Variants in USP30 observed in about 807,000 individuals in gnomAD.
USP30 encodes the protein ubiquitin carboxyl-terminal hydrolase 30.
USP30 carries 41 observed loss-of-function variants against 68.2 expected under a neutral mutation model. The observed-to-expected ratio is 0.60, with a 90% CI of 0.47 to 0.78. USP30 has a LOEUF of 0.78. USP30 is among the 30% of genes least tolerant of loss of function. The pLI is 0.00. For synonymous variants in USP30, 229 were observed against 253.7 expected (o/e 0.90, Z 0.93); for missense variants, 522 against 649.4 (o/e 0.80, Z 2.13).
chr12:109,035,412 G>A (rs1030447093), intron 3 of USP30, among the ~76,000 whole-genome samples: 2 of 151,990 alleles, frequency 1.3e-5, no homozygotes, highest in Non-Finnish European at 2.9e-5. Context: ...TTGCCAGGCT[G>A]GAGTGCAGTG....
At chr12:109,048,838 A>C (rs1245795571), upstream of USP30, among the ~76,000 whole-genome samples, 1 of 152,342 alleles carries the variant, frequency 6.6e-6, no homozygotes, top group Admixed American at 6.5e-5. Flanking sequence ...CTTGCTTGGC[A>C]TGACCTTAGA....
intron 3 of USP30, among the ~76,000 whole-genome samples, chr12:109,041,405 G>A (rs1253112102): frequency 2.0e-5 from 3 of 152,146 alleles, no homozygotes; most frequent in African/African-American, 4.8e-5. Flanking sequence ...GGGAGGCTGA[G>A]GCAGGTGGAT....
chr12:109,034,723 A>C (rs981771173), intron 3 of USP30, among the ~76,000 whole-genome samples: 1 of 152,218 alleles, frequency 6.6e-6, no homozygotes, highest in African/African-American at 2.4e-5. Context: ...AGGATATAGA[A>C]GTCTCCAACC....
At chr12:109,047,146 G>C (rs1025908649) in intron 3 of USP30, among the ~76,000 whole-genome samples, 1 of 149,846 alleles carries the variant, frequency 6.7e-6, no homozygotes, top group Non-Finnish European at 1.5e-5. Flanking sequence ...AACGGGTTTA[G>C]TGTGAACAAC....
chr12:109,071,009 G>A (rs1460541716), intron 4 of USP30, among the ~76,000 whole-genome samples: 1 of 152,184 alleles, frequency 6.6e-6, no homozygotes, highest in Non-Finnish European at 1.5e-5. Flanking sequence ...ACGTTATGCC[G>A]AGGAAAATAA....
At chr12:109,074,011 C>T (rs187440216) in intron 7 of USP30, among the ~76,000 whole-genome samples, 1 of 152,160 alleles carries the variant, frequency 6.6e-6, no homozygotes, top group African/African-American at 2.4e-5. Flanking sequence ...AAACTCCATA[C>T]TCATTAGCAA....
At chr12:109,048,141 A>G (rs2040622619), upstream of USP30, among the ~76,000 whole-genome samples, 1 of 148,432 alleles carries the variant, frequency 6.7e-6, no homozygotes, top group Non-Finnish European at 1.5e-5. Flanking sequence ...GGTGGAGTGC[A>G]GTGGCACAAT....
chr12:109,051,042 AT>A (rs2040662137), upstream of USP30, among the ~76,000 whole-genome samples: 1 of 151,954 alleles, frequency 6.6e-6, no homozygotes, highest in Non-Finnish European at 1.5e-5. Flanking sequence ...TAGAAATGAC[AT>A]ATTTTGTTTT....
intron 1 of USP30, among the ~76,000 whole-genome samples, chr12:109,024,053 C>T (rs2040426801): frequency 6.6e-6 from 1 of 152,056 alleles, no homozygotes; most frequent in African/African-American, 2.4e-5. Flanking sequence ...GACTCTCTTC[C>T]CAGCTCCACC....
At chr12:109,060,276 G>C (rs535713905) in intron 3 of USP30, among the ~76,000 whole-genome samples, 1 of 152,310 alleles carries the variant, frequency 6.6e-6, no homozygotes. Context: ...TTTTGGTATT[G>C]TGCAGTCATT....
intron 12 of USP30, among the ~76,000 whole-genome samples, 199 bp downstream of exon 12, chr12:109,085,272 A>T (rs2041913863): frequency 6.6e-6 from 1 of 152,226 alleles, no homozygotes. Flanking sequence ...AAGTACATAA[A>T]ATTTACATAT....
intron 7 of USP30, among the ~76,000 whole-genome samples, chr12:109,074,896 G>A (rs894598578): frequency 2.0e-5 from 3 of 152,186 alleles, no homozygotes; most frequent in Non-Finnish European, 2.9e-5. Flanking sequence ...CCAGCCCCTG[G>A]CAGCCAGCAT....
chr12:109,074,504 G>A (rs996465701), intron 7 of USP30, among the ~76,000 whole-genome samples: 2 of 152,168 alleles, frequency 1.3e-5, no homozygotes, highest in Non-Finnish European at 2.9e-5. Flanking sequence ...AGTGTATGAG[G>A]GGTTCCAATT....
intron 3 of USP30, among the ~76,000 whole-genome samples, chr12:109,064,768 T>C (rs1384986499): frequency 1.3e-5 from 2 of 152,130 alleles, no homozygotes; most frequent in African/African-American, 4.8e-5. Context: ...AATTGCTGGA[T>C]TGTACAATAT....
chr12:109,055,433 C>T (rs573463845), intron 1 of USP30, among the ~76,000 whole-genome samples: 1 of 56,554 alleles, frequency 1.8e-5, no homozygotes, highest in East Asian at 1.1e-3. Flanking sequence ...GGCAGAGTCT[C>T]GCTCAGTCAC....
chr12:109,055,353 T>C (rs1249388231), intron 1 of USP30, among the ~76,000 whole-genome samples: 1 of 133,114 alleles, frequency 7.5e-6, no homozygotes, highest in Non-Finnish European at 1.6e-5. Flanking sequence ...ATATTTTATA[T>C]ATATATACAC....
Position 109,081,660 on chromosome 12 carries a change from C to CACACACACACACAG in USP30, c.780+270_781-269insCACACACACAGACA. The stretch of plus-strand genomic sequence containing the variant: ...ACACACACACACACACACACACACA[C>CACACACACACACAG]ACAGACATTAACCTCAGATTGAAAG... On this transcript the variant is annotated intron_variant, in intron 8 of 12. Coordinates refer to ENST00000257548, the MANE Select transcript of USP30 (RefSeq NM_032663.5). 4 of 565,534 alleles carry CACACACACACACAG rather than the reference C, an allele frequency of 7.1e-6. No individual in the cohort carries two copies. In the South Asian group the frequency reaches 8.5e-5, roughly 12 times the overall value. The allele number at this position is 565,534 out of a possible 1,614,324, so 35.0% of individuals were successfully genotyped here.
upstream of USP30, chr12:109,047,715 G>C (rs117925202): frequency 0.013 from 1,968 of 152,364 alleles, 62 homozygotes; most frequent in East Asian, 0.063. Context: ...AGTGTGTTGG[G>C]TAAGTGTGGC....
chr12:109,083,750 C>A (rs1433904237), intron 11 of USP30, among the ~76,000 whole-genome samples: 2 of 152,130 alleles, frequency 1.3e-5, no homozygotes, highest in African/African-American at 2.4e-5. Flanking sequence ...AGCCTGAACT[C>A]ACCACCTGTC....
Sources: gnomAD v4.1 joint callset for allele counts (sites outside exome capture counted in the v4.1 genomes callset) on GRCh38, gnomAD v4.1.1 for gene constraint, MANE v1.5 for transcripts, NCBI Gene and HGNC (gene_info 2026-07-23, HGNC 2026-07-21) for gene names.